DNAH11: variants seen among roughly 807,000 people sequenced by gnomAD.
DNAH11 encodes the protein dynein axonemal heavy chain 11, also known as axonemal beta dynein heavy chain 11.
DNAH11 carries 442 observed loss-of-function variants against 526.0 expected under a neutral mutation model. That is an observed-to-expected ratio of 0.84 (90% CI 0.78 to 0.91). DNAH11 has a LOEUF of 0.91. DNAH11 is among the 40% of genes least tolerant of loss of function. DNAH11 has a pLI of 0.00. For synonymous variants in DNAH11, 2,461 were observed against 1,935.9 expected (o/e 1.27, Z -7.12); for missense variants, 6,989 against 5,448.7 (o/e 1.28, Z -8.90).
intron 57 of DNAH11, 64 bp from the exon 58 acceptor site, chr7:21,784,363 T>A: frequency 7.9e-7 from 1 of 1,272,016 alleles, no homozygotes; most frequent in South Asian, 1.3e-5. Flanking sequence ...CAACCTCCAT[T>A]TTTCTTTAGA....
intron 57 of DNAH11, among the ~76,000 whole-genome samples, chr7:21,780,793 A>G (rs1342448131): frequency 6.6e-6 from 1 of 152,236 alleles, no homozygotes; most frequent in Non-Finnish European, 1.5e-5. Context: ...GCTGGATGTT[A>G]ATAACAAATA....
At chr7:21,799,228 A>G (rs1788853867) in intron 61 of DNAH11, among the ~76,000 whole-genome samples, 1 of 152,214 alleles carries the variant, frequency 6.6e-6, no homozygotes, top group Non-Finnish European at 1.5e-5. Context: ...GCATCCAAAT[A>G]TCAACCCAAG....
chr7:21,600,920 T>G lies in DNAH11; in HGVS notation c.3245T>G (p.Phe1082Cys), dbSNP rs1364813693. ...GAACAACCACCAACTCTTGAGCAAT[T>G]CAAAGAACAGGCAAGGAAAACCCTT... ...IPEQPPTLEQ[F>C]KEQIDIYEAL... The change falls in exon 16 of 82, where the codon TTC becomes TGC. Residue 1082 changes from phenylalanine to cysteine, a missense_variant. By Grantham distance (205) the Phe-to-Cys change is radical. Coordinates refer to ENST00000409508, the MANE Select transcript of DNAH11 (RefSeq NM_001277115.2). 1.2e-6 allele frequency: 2 copies of G among 1,613,508 alleles called. No individual in the cohort carries two copies. Among genetic ancestry groups the G allele is most frequent in the Non-Finnish European group, 1.7e-6 (2 of 1,179,708 alleles).
intron 61 of DNAH11, among the ~76,000 whole-genome samples, chr7:21,792,336 G>C (rs1264604121): frequency 6.6e-6 from 1 of 152,074 alleles, no homozygotes; most frequent in Non-Finnish European, 1.5e-5. Context: ...GAGAATTTTT[G>C]CATCTGTCTT....
chr7:21,887,141 C>G (rs1458819156), intron 76 of DNAH11, among the ~76,000 whole-genome samples: 3 of 152,184 alleles, frequency 2.0e-5, no homozygotes. Flanking sequence ...GATCAAAAAG[C>G]AACCCATTCA....
At chr7:21,756,344 T>C (rs983007913) in intron 54 of DNAH11, among the ~76,000 whole-genome samples, 3 of 152,102 alleles carry the variant, frequency 2.0e-5, no homozygotes, top group Non-Finnish European at 2.9e-5. Flanking sequence ...TATATAAGAT[T>C]CTATTTGGGG....
At chr7:21,891,112 C>CT (rs1784310708) in intron 76 of DNAH11, among the ~76,000 whole-genome samples, 1 of 152,154 alleles carries the variant, frequency 6.6e-6, no homozygotes, top group Non-Finnish European at 1.5e-5. Context: ...TCTTTAGACT[C>CT]TGAGTTCCTT....
At chr7:21,606,601 T>A (rs773181363) in intron 19 of DNAH11, 46 bp from the exon 20 acceptor site, 1 of 1,557,596 alleles carries the variant, frequency 6.4e-7, no homozygotes, top group Non-Finnish European at 8.6e-7. Context: ...ATTGAAGTAT[T>A]TGTTTGAAAT....
intron 1 of DNAH11, among the ~76,000 whole-genome samples, chr7:21,544,570 G>C (rs977221096): frequency 6.6e-6 from 1 of 152,108 alleles, no homozygotes; most frequent in East Asian, 1.9e-4. Flanking sequence ...TTGGTTATAC[G>C]GTTCTATTCT....
At chr7:21,813,715 G>C (rs1789635318) in intron 63 of DNAH11, among the ~76,000 whole-genome samples, 1 of 151,878 alleles carries the variant, frequency 6.6e-6, no homozygotes, top group African/African-American at 2.4e-5. Context: ...TTTTGTTTCA[G>C]CTCCACCTCA....
intron 68 of DNAH11, 109 bp from the exon 69 acceptor site, chr7:21,861,744 C>G (rs1043983088): frequency 6.6e-6 from 9 of 1,365,446 alleles, no homozygotes; most frequent in Non-Finnish European, 8.9e-6. Context: ...AATTTTGCCT[C>G]ATTCTCACTC....
intron 65 of DNAH11, 112 bp from the exon 66 acceptor site, chr7:21,842,432 C>A: frequency 1.2e-6 from 1 of 858,818 alleles, no homozygotes; most frequent in Non-Finnish European, 1.7e-6. Flanking sequence ...AATTCTCAAT[C>A]ACCTGAGCTT....
intron 1 of DNAH11, 93 bp downstream of exon 1, chr7:21,543,689 T>A (rs1782679849): frequency 5.8e-6 from 8 of 1,388,954 alleles, no homozygotes; most frequent in Non-Finnish European, 7.7e-6. Flanking sequence ...CGCGGGGCGC[T>A]CACTCGGGCA....
chr7:21,788,067 G>A (rs989827385), intron 60 of DNAH11, among the ~76,000 whole-genome samples: 2 of 152,068 alleles, frequency 1.3e-5, no homozygotes, highest in Non-Finnish European at 2.9e-5. Flanking sequence ...CCTAAAATTT[G>A]TACTTTTCGG....
chr7:21,600,145 A>G (rs372021578), intron 15 of DNAH11, 26 bp downstream of exon 15: 1 of 1,507,330 alleles, frequency 6.6e-7, no homozygotes, highest in Non-Finnish European at 8.9e-7. Flanking sequence ...ATGGGTATTT[A>G]GCTTTTATAT....
In DNAH11 at chr7:21,616,275, C is replaced by A; in HGVS notation, c.4078C>A (p.Leu1360Ile). The change falls in exon 22 of 82, where the codon CTC (leucine) becomes ATC (isoleucine). Residue 1360 changes from leucine to isoleucine, a missense_variant. Coordinates refer to ENST00000409508, the MANE Select transcript of DNAH11 (RefSeq NM_001277115.2). ...TCATGTGGAACAGATGGATGTAGAA[C>A]TCAGAAGGTTTGCCAAGGCGAGTTC... ...QIHVEQMDVE[L>I]RRFAKEIWSL... The A allele has an allele frequency of 6.2e-7, 1 of 1,612,520 alleles. No individual in the cohort carries two copies. Among genetic ancestry groups the A allele is most frequent in the Non-Finnish European group, 8.5e-7 (1 of 1,179,156 alleles).
chr7:21,774,002 A>C lies in DNAH11; in HGVS notation c.9336+3A>C. 6.5e-7 allele frequency: 1 copy of C among 1,546,988 alleles called. No homozygotes were observed. The highest frequency in any genetic ancestry group is 8.7e-7 in the Non-Finnish European group (1 of 1,148,456). ...AGCTAAAAACCACAGCCTCTCAGGT[A>C]TGACCAGGATGTGTTATTACTGAGT... On this transcript the variant is annotated splice_donor_region_variant and intron_variant, in intron 56 of 81. Coordinates refer to ENST00000409508, the MANE Select transcript of DNAH11 (RefSeq NM_001277115.2).
In DNAH11 at chr7:21,749,905, G is replaced by A. The variant is rs772259752; in HGVS notation, c.8797+104G>A. 281 of 1,544,572 alleles carry A rather than the reference G, an allele frequency of 1.8e-4. 1 individual carries two copies. Among genetic ancestry groups the A allele is most frequent in the Non-Finnish European group, 2.2e-4 (252 of 1,138,384 alleles). Reference sequence around the variant, plus strand: ...AGAATTCGTCTTTGAGATGTTTGCTGGGCAGTCTTTGGGGAGAAACCTATA... The same window carrying A: ...AGAATTCGTCTTTGAGATGTTTGCTAGGCAGTCTTTGGGGAGAAACCTATA... On this transcript the variant is annotated intron_variant, in intron 53 of 81. Transcript: ENST00000409508.
intron 28 of DNAH11, among the ~76,000 whole-genome samples, chr7:21,642,458 T>C (rs543396211): frequency 2.7e-4 from 41 of 152,292 alleles, no homozygotes; most frequent in South Asian, 8.3e-4. Context: ...TTATGCCAGA[T>C]AGTGTGATCT....
Sources: gnomAD v4.1 joint callset for allele counts (sites outside exome capture counted in the v4.1 genomes callset) on GRCh38, gnomAD v4.1.1 for gene constraint, MANE v1.5 for transcripts, NCBI Gene and HGNC (gene_info 2026-07-23, HGNC 2026-07-21) for gene names.